STK17A: variants seen among roughly 807,000 people sequenced by gnomAD.
STK17A encodes serine/threonine kinase 17a.
In STK17A, 26 loss-of-function variants were observed where a neutral mutation model predicts 43.7. That is an observed-to-expected ratio of 0.60 (90% confidence interval 0.44 to 0.83). STK17A has a LOEUF of 0.83. Among genes scored for constraint, STK17A ranks in the 40% least tolerant of loss-of-function variants. STK17A has a pLI of 0.00. For missense variants in STK17A, 476 were observed against 511.6 expected, an observed-to-expected ratio of 0.93 and a Z score of 0.67; for synonymous variants, 191 against 182.5, an observed-to-expected ratio of 1.05 and a Z score of -0.38.
intron 1 of STK17A, among the ~76,000 whole-genome samples, chr7:43,591,885 T>C (rs1028883146): frequency 1.3e-5 from 2 of 151,684 alleles, no homozygotes; most frequent in African/African-American, 4.8e-5. Flanking sequence ...CCATTTGGTC[T>C]TTAAAAATAG....
chr7:43,616,617 G>A (rs1430836384), intron 3 of STK17A, among the ~76,000 whole-genome samples: 1 of 152,154 alleles, frequency 6.6e-6, no homozygotes, highest in African/African-American at 2.4e-5. Flanking sequence ...GGACCGTCTG[G>A]CCGGGCGCGG....
chr7:43,589,114 A>G (rs1175818797), intron 1 of STK17A, among the ~76,000 whole-genome samples: 1 of 151,614 alleles, frequency 6.6e-6, no homozygotes, highest in East Asian at 1.9e-4. Context: ...GAGAATGGCA[A>G]GTAGTCCAGT....
intron 2 of STK17A, among the ~76,000 whole-genome samples, chr7:43,601,180 G>A (rs974966542): frequency 3.3e-5 from 5 of 152,190 alleles, no homozygotes; most frequent in African/African-American, 1.2e-4. Flanking sequence ...TTTATAGCGG[G>A]TGAAGTCTGG....
rs919041745 is a variant in STK17A at position 43,626,829 on chromosome 7, A to C, written c.*1987A>C. The C allele has an allele frequency of 3.3e-5, 5 of 152,176 alleles. No homozygotes were observed. The highest frequency in any genetic ancestry group is 5.9e-5 in the Non-Finnish European group (4 of 68,026). The allele number at this position is 152,176 out of a possible 1,614,324, so 9.4% of individuals were successfully genotyped here. ...AAGATCTGTTTTCTTTTAGCTGGCC[A>C]CTTCAGTTTGCTGCGTATCTTTAGC... is the stretch of plus-strand genomic sequence containing the variant. On this transcript the variant is annotated 3_prime_UTR_variant, in exon 7 of 7. Transcript: ENST00000319357.
In STK17A at chr7:43,583,213, G is replaced by T. The variant is rs755922644; in HGVS notation, c.-31G>T. ...ACCCTCCGGCTGCTCGGAGTGAACA[G>T]GCGGCCAGGAAAGAAGCGGGCCTGA... is the stretch of plus-strand genomic sequence containing the variant. On this transcript the variant is annotated 5_prime_UTR_variant, in exon 1 of 7. In the 5' UTR this introduces an upstream ATG that the reference lacks. Coordinates refer to ENST00000319357, the MANE Select transcript of STK17A (RefSeq NM_004760.3). The T allele has an allele frequency of 7.7e-6, 12 of 1,554,220 alleles. No homozygotes were observed. The East Asian group carries it at 3.2e-4, about 42-fold the overall frequency.
chr7:43,588,261 T>A (rs2082456309), intron 1 of STK17A, among the ~76,000 whole-genome samples: 1 of 151,488 alleles, frequency 6.6e-6, no homozygotes, highest in Admixed American at 6.6e-5. Flanking sequence ...GCTACACACT[T>A]TAAAGATGTA....
chr7:43,603,172 T>C (rs936727087), intron 2 of STK17A, among the ~76,000 whole-genome samples: 1 of 152,222 alleles, frequency 6.6e-6, no homozygotes, highest in Non-Finnish European at 1.5e-5. Flanking sequence ...TTTGGTGATA[T>C]TATTCTCTTG....
At chr7:43,599,646 T>C (rs1350998106) in intron 2 of STK17A, among the ~76,000 whole-genome samples, 4 of 152,132 alleles carry the variant, frequency 2.6e-5, no homozygotes, top group Non-Finnish European at 4.4e-5. Flanking sequence ...ACAGAACCAA[T>C]AGGATATGTG....
At chr7:43,598,025 A>G (rs1423291243) in intron 2 of STK17A, among the ~76,000 whole-genome samples, 1 of 152,236 alleles carries the variant, frequency 6.6e-6, no homozygotes, top group Admixed American at 6.5e-5. Context: ...TGTCAATTAA[A>G]AATAAAATTT....
intron 2 of STK17A, among the ~76,000 whole-genome samples, chr7:43,604,740 T>C (rs1044115819): frequency 6.6e-6 from 1 of 152,174 alleles, no homozygotes. Context: ...TTTGGAAATT[T>C]TTCAGCCATG....
chr7:43,592,084 A>AT (rs2082483946), intron 1 of STK17A, among the ~76,000 whole-genome samples: 1 of 151,500 alleles, frequency 6.6e-6, no homozygotes, highest in Non-Finnish European at 1.5e-5. Flanking sequence ...TTTCAGACGA[A>AT]TTTTTTACAA....
intron 2 of STK17A, among the ~76,000 whole-genome samples, chr7:43,597,536 C>T (rs1272357729): frequency 1.3e-5 from 2 of 152,108 alleles, no homozygotes; most frequent in Non-Finnish European, 2.9e-5. Context: ...CATCCGTCCA[C>T]CTTTATGCCT....
chr7:43,588,461 G>A lies in STK17A; in HGVS notation c.206+5012G>A, dbSNP rs115758738. On this transcript the variant is annotated intron_variant, in intron 1 of 6. Transcript: ENST00000319357. Reference sequence around the variant, plus strand: ...ACGCATGCTAATGTCTTATTTGAATGGACTCACTGATTTTTACGCCTAGGG... The same window carrying A: ...ACGCATGCTAATGTCTTATTTGAATAGACTCACTGATTTTTACGCCTAGGG... Among the ~76,000 whole-genome samples, 438 of 151,620 alleles carry A rather than the reference G, an allele frequency of 2.9e-3. 4 individuals are homozygous for A. The highest frequency in any genetic ancestry group is 9.9e-3 in the African/African-American group (411 of 41,468).
chr7:43,596,313 A>C (rs534492369), intron 2 of STK17A, among the ~76,000 whole-genome samples, 200 bp downstream of exon 2: 6 of 152,242 alleles, frequency 3.9e-5, no homozygotes, highest in African/African-American at 1.4e-4. Context: ...TTTTATTTTC[A>C]TTCTTTAATG....
At chr7:43,583,520 CCGGCGCCG>C (rs2082416242) in intron 1 of STK17A, 71 bp downstream of exon 1, 2 of 1,189,706 alleles carry the variant, frequency 1.7e-6, no homozygotes, top group South Asian at 7.1e-5. Context: ...CCGATAAGTG[CCGGCGCCG>C]CGGCGGCGAG....
At chr7:43,614,192 CGTTAAATGGATTATGTACAAAGATGA>C (rs1163773849) in intron 3 of STK17A, among the ~76,000 whole-genome samples, 1 of 152,142 alleles carries the variant, frequency 6.6e-6, no homozygotes, top group East Asian at 1.9e-4. Flanking sequence ...GTTCAGTAAA[CGTTAAATGGATTATGTACAAAGATGA>C]AGATACCGAG....
intron 4 of STK17A, chr7:43,622,144 C>A (rs929974451): frequency 6.6e-6 from 1 of 152,204 alleles, no homozygotes; most frequent in Non-Finnish European, 1.5e-5. Context: ...ATTTCCTGTA[C>A]CCTTCCTCCC....
chr7:43,583,536 G>T, intron 1 of STK17A, 87 bp downstream of exon 1: 3 of 1,120,754 alleles, frequency 2.7e-6, no homozygotes, highest in Non-Finnish European at 3.4e-6. Flanking sequence ...CCGCGGCGGC[G>T]AGGCTGAAGT....
chr7:43,584,603 A>G (rs1211855385), intron 1 of STK17A, among the ~76,000 whole-genome samples: 1 of 151,702 alleles, frequency 6.6e-6, no homozygotes, highest in Non-Finnish European at 1.5e-5. Context: ...ACAATGTAAC[A>G]TTGGTTATAA....
Sources: gnomAD v4.1 joint callset for allele counts (sites outside exome capture counted in the v4.1 genomes callset) on GRCh38, gnomAD v4.1.1 for gene constraint, MANE v1.5 for transcripts, NCBI Gene and HGNC (gene_info 2026-07-23, HGNC 2026-07-21) for gene names.